The following RGS9 variants were observed in gnomAD, a reference collection of about 807,000 sequenced individuals.
RGS9 encodes regulator of G protein signaling 9, also known as regulator of G-protein signalling 9.
In RGS9, 78 loss-of-function variants were observed where a neutral mutation model predicts 102.0. The observed-to-expected ratio is 0.76, with a 90% CI of 0.64 to 0.92. The LOEUF is 0.92. Among genes scored for constraint, RGS9 ranks in the 40% least tolerant of loss-of-function variants. RGS9 has a pLI of 0.00. For missense variants in RGS9, 833 were observed against 866.1 expected (o/e 0.96, Z 0.48); for synonymous variants, 353 against 318.6 (o/e 1.11, Z -1.15).
rs1912262322 is a variant in RGS9 at position 65,189,289 on chromosome 17, C to G, written c.658C>G (p.Gln220Glu). Residue 220 changes from glutamine to glutamate, a missense_variant, in exon 10 of 19, where the codon CAA becomes GAA. This residue lies in a region of RGS9 where 328 missense variants were observed against 340.6 expected (regional missense o/e 0.96). Coordinates refer to ENST00000262406, the MANE Select transcript of RGS9 (RefSeq NM_003835.4). ...GTTTTGTTTCTTTGTCTTACAGAAA[C>G]AAACAGTCGTTGCTGTCAAAAAAGA... ...NPNEVKVNQK[Q>E]TVVAVKKEIM... 1 of 1,612,098 alleles carries G rather than the reference C, an allele frequency of 6.2e-7. No homozygotes were observed. The highest frequency in any genetic ancestry group is 1.7e-5 in the Admixed American group (1 of 59,998).
At chr17:65,190,309 G>C in intron 11 of RGS9, 73 bp downstream of exon 11, 1 of 1,178,170 alleles carries the variant, frequency 8.5e-7, no homozygotes, top group Non-Finnish European at 1.3e-6. Flanking sequence ...CTGCAAACTC[G>C]ACAAGTCCTG....
rs548699051 is a variant in RGS9, at chr17:65,143,114, G to C, written c.57+5517G>C. Among the ~76,000 whole-genome samples the C allele has an allele frequency of 5.3e-5, 8 of 152,212 alleles. No individual in the cohort carries two copies. In the East Asian group the frequency reaches 1.5e-3, roughly 29 times the overall value. ...TGGTTTGAATGTGCAGTCAGGATGA[G>C]AGCCTCTGGGGACATTTGGCAATGT... On this transcript the variant is annotated intron_variant, in intron 1 of 18. Coordinates refer to ENST00000262406, the MANE Select transcript of RGS9 (RefSeq NM_003835.4).
intron 8 of RGS9, among the ~76,000 whole-genome samples, chr17:65,175,882 A>G (rs147769755): frequency 0.011 from 1,605 of 152,340 alleles, 31 homozygotes; most frequent in African/African-American, 0.036. Flanking sequence ...TGTAAAATGT[A>G]TTTTGTATAT....
chr17:65,204,538 C>T (rs1389354977), intron 15 of RGS9, among the ~76,000 whole-genome samples: 1 of 152,078 alleles, frequency 6.6e-6, no homozygotes, highest in Non-Finnish European at 1.5e-5. Context: ...CAGTGAGACC[C>T]TGTCTTTATA....
rs1044943851 is a variant in RGS9, at chr17:65,173,690, T to G, written c.583-4042T>G. Among the ~76,000 whole-genome samples the G allele has an allele frequency of 6.6e-6, 1 of 152,236 alleles. No individual in the cohort carries two copies. Among genetic ancestry groups the G allele is most frequent in the Non-Finnish European group, 1.5e-5 (1 of 68,042 alleles). ...TATCTGCGGGCCACACACCGCAGGA[T>G]GCATCGGCTGCCCTTATTTCCTGGG... is the stretch of plus-strand genomic sequence containing the variant. On this transcript the variant is annotated intron_variant, in intron 8 of 18. Transcript: ENST00000262406. The surrounding 1 kb of genome is among the most constrained non-coding windows in gnomAD (Gnocchi z 4.8).
intron 8 of RGS9, among the ~76,000 whole-genome samples, chr17:65,171,327 C>T (rs1322326736): frequency 6.6e-6 from 1 of 152,174 alleles, no homozygotes; most frequent in African/African-American, 2.4e-5. Flanking sequence ...CTCATTGACG[C>T]CTGATGCTAT....
chr17:65,173,215 C>T lies in RGS9; in HGVS notation c.583-4517C>T, dbSNP rs1397468657. Among the ~76,000 whole-genome samples, 1 of 152,052 alleles carries T rather than the reference C, an allele frequency of 6.6e-6. No individual in the cohort carries two copies. Among genetic ancestry groups the T allele is most frequent in the Non-Finnish European group, 1.5e-5 (1 of 68,006 alleles). On this transcript the variant is annotated intron_variant, in intron 8 of 18. Coordinates refer to ENST00000262406, the MANE Select transcript of RGS9 (RefSeq NM_003835.4). This position sits in a 1 kb window ranked among gnomAD's most constrained non-coding sequence, Gnocchi z 4.8. Reference sequence around the variant, plus strand: ...GGGATTACAGGCATGAGCCACCGCGCCTGGCCTCATCTCTATTTCTTTCCC... The same window carrying T: ...GGGATTACAGGCATGAGCCACCGCGTCTGGCCTCATCTCTATTTCTTTCCC...
At chr17:65,187,776 T>A (rs1348130162) in intron 9 of RGS9, among the ~76,000 whole-genome samples, 5 of 152,138 alleles carry the variant, frequency 3.3e-5, no homozygotes, top group African/African-American at 1.2e-4. Flanking sequence ...GGCGGGCGGA[T>A]CACGAGGTCA....
chr17:65,226,349 A>T (rs1905676997), intron 18 of RGS9, among the ~76,000 whole-genome samples: 1 of 152,176 alleles, frequency 6.6e-6, no homozygotes, highest in South Asian at 2.1e-4. Flanking sequence ...GTTGCCAGGG[A>T]TACCCGGGGA....
chr17:65,225,251 G>C lies in RGS9; in HGVS notation c.1657G>C (p.Val553Leu), dbSNP rs756661669. 1 of 1,609,544 alleles carries C rather than the reference G, an allele frequency of 6.2e-7. No homozygotes were observed. Among genetic ancestry groups the C allele is most frequent in the South Asian group, 1.1e-5 (1 of 91,058 alleles). Reference sequence around the variant, plus strand: ...GTCCATGGCCCCCCGTGGGCCCTCTGTCACCGAGAGCAGCGAGGCCTCCCT... The same window carrying C: ...GTCCATGGCCCCCCGTGGGCCCTCTCTCACCGAGAGCAGCGAGGCCTCCCT... ...SGSMAPRGPSVTESSEASLDT... is the reference protein window; with the variant it reads ...SGSMAPRGPSLTESSEASLDT... Residue 553 changes from valine to leucine, a missense_variant, in exon 18 of 19, where the codon GTC becomes CTC. Around this residue, in one of 3 missense-constraint regions of RGS9, gnomAD observed 320 missense variants for 276.8 expected, o/e 1.16. Coordinates refer to ENST00000262406, the MANE Select transcript of RGS9 (RefSeq NM_003835.4).
rs1911039251 is a variant in RGS9 at position 65,162,887 on chromosome 17, C to CCAT, written c.424-124_424-122dup. 1.6e-5 allele frequency: 11 copies of CCAT among 687,202 alleles called. No individual in the cohort carries two copies. In the South Asian group the frequency reaches 1.7e-4, roughly 11 times the overall value. The allele number at this position is 687,202 out of a possible 1,614,324, so 42.6% of individuals were successfully genotyped here. ...CACCATGGTAAAACCAGCTTAGATA[C>CCAT]CATCGGGCTGGGTCCATGGTTGCCA... On this transcript the variant is annotated intron_variant, in intron 6 of 18. Transcript: ENST00000262406.
rs761265907 is a variant in RGS9, at chr17:65,160,626, T to C, written c.364+39T>C. On this transcript the variant is annotated intron_variant, in intron 5 of 18. Coordinates refer to ENST00000262406, the MANE Select transcript of RGS9 (RefSeq NM_003835.4). Reference sequence around the variant, plus strand: ...CCCCAACTATGCCTTTGGTAGTGCTTAACATGCTGCTTATTTACTTGCTGC... The same window carrying C: ...CCCCAACTATGCCTTTGGTAGTGCTCAACATGCTGCTTATTTACTTGCTGC... 14 of 1,601,834 alleles carry C rather than the reference T, an allele frequency of 8.7e-6. No homozygotes were observed. The African/African-American group carries it at 1.3e-4, about 15-fold the overall frequency.
intron 1 of RGS9, among the ~76,000 whole-genome samples, chr17:65,141,412 T>G (rs1910152054): frequency 6.6e-6 from 1 of 152,244 alleles, no homozygotes. Flanking sequence ...AGAAGCCTTC[T>G]GGTGACAGCT....
rs148420091 is a variant in RGS9 at position 65,166,887 on chromosome 17, G to A, written c.501-1313G>A. ...AATTTCCAGAGGAGGCTGACGGAAC[G>A]CCCAAATGGAATGGCGCTGTTCACC... On this transcript the variant is annotated intron_variant, in intron 7 of 18. Transcript: ENST00000262406. 9.3e-3 allele frequency among the ~76,000 whole-genome samples: 1,417 copies of A among 152,282 alleles called. 84 individuals are homozygous for A. Among genetic ancestry groups the A allele is most frequent in the Admixed American group, 0.086 (1,314 of 15,296 alleles).
intron 1 of RGS9, among the ~76,000 whole-genome samples, chr17:65,150,653 A>G (rs559825319): frequency 6.6e-6 from 1 of 152,272 alleles, no homozygotes; most frequent in East Asian, 1.9e-4. Context: ...ACCTAGGAGG[A>G]GTCCTTCTCT....
At position 65,173,696 on chromosome 17, in the gene RGS9, G is replaced by A. The variant is rs145726652; in HGVS notation, c.583-4036G>A. On this transcript the variant is annotated intron_variant, in intron 8 of 18. Coordinates refer to ENST00000262406, the MANE Select transcript of RGS9 (RefSeq NM_003835.4). The surrounding 1 kb of genome is among the most constrained non-coding windows in gnomAD (Gnocchi z 4.8). The stretch of plus-strand genomic sequence containing the variant: ...CGGGCCACACACCGCAGGATGCATC[G>A]GCTGCCCTTATTTCCTGGGCGCTGA... 1.1e-3 allele frequency among the ~76,000 whole-genome samples: 166 copies of A among 152,310 alleles called. 1 individual carries two copies. Among genetic ancestry groups the A allele is most frequent in the African/African-American group, 3.9e-3 (161 of 41,570 alleles).
intron 17 of RGS9, 95 bp from the exon 18 acceptor site, chr17:65,224,907 T>C: frequency 1.3e-6 from 2 of 1,547,860 alleles, no homozygotes; most frequent in South Asian, 2.2e-5. Context: ...CTCTTGTCGC[T>C]GGAAGGGGAC....
At chr17:65,176,392 G>A (rs922016924) in intron 8 of RGS9, among the ~76,000 whole-genome samples, 13 of 152,140 alleles carry the variant, frequency 8.5e-5, no homozygotes, top group Admixed American at 4.6e-4. Flanking sequence ...AACCTGCCAC[G>A]TAGGAGGATT....
intron 14 of RGS9, among the ~76,000 whole-genome samples, chr17:65,203,364 C>T (rs1912929285): frequency 6.6e-6 from 1 of 152,110 alleles, no homozygotes; most frequent in Admixed American, 6.5e-5. Context: ...GATTGCCTTA[C>T]ACACAGTGAC....
Sources: gnomAD v4.1 joint callset for allele counts (sites outside exome capture counted in the v4.1 genomes callset) on GRCh38, gnomAD v4.1.1 for gene constraint, gnomAD v4.1.1 regional missense constraint, Gnocchi (gnomAD v3.1) non-coding constraint, MANE v1.5 for transcripts, NCBI Gene and HGNC (gene_info 2026-07-23, HGNC 2026-07-21) for gene names.